The following EPSTI1 variants were observed in gnomAD, a reference collection of about 807,000 sequenced individuals.
EPSTI1 encodes epithelial-stromal interaction protein 1.
Under a neutral mutation model 49.9 loss-of-function variants are expected in EPSTI1, and 66 were observed. That is an observed-to-expected ratio of 1.32 (90% CI 1.08 to 1.62). The LOEUF (loss-of-function observed/expected upper bound fraction) is 1.62. EPSTI1 is among the 40% of genes most tolerant of loss of function. The probability of loss-of-function intolerance (pLI) is 0.00; values close to 1 mark genes in which losing one functional copy is unlikely to be tolerated. For missense variants in EPSTI1, 394 were observed against 365.5 expected, an observed-to-expected ratio of 1.08 and a Z score of -0.64; for synonymous variants, 137 against 130.7, an observed-to-expected ratio of 1.05 and a Z score of -0.33.
At chr13:42,930,871 A>T (rs559256437) in intron 6 of EPSTI1, among the ~76,000 whole-genome samples, 41 of 152,350 alleles carry the variant, frequency 2.7e-4, no homozygotes, top group African/African-American at 9.9e-4. Context: ...CATACAAATG[A>T]ATAGTGGTTT....
At chr13:42,928,733 C>T (rs886791820) in intron 6 of EPSTI1, among the ~76,000 whole-genome samples, 1 of 152,190 alleles carries the variant, frequency 6.6e-6, no homozygotes, top group African/African-American at 2.4e-5. Context: ...TGAAAATTTA[C>T]ATTCTCCTCT....
chr13:42,964,126 T>C lies in EPSTI1; in HGVS notation c.345A>G (p.Ser115=). The part of the protein sequence containing the change: ...LVPRRLGGSQ[S]ETEVRQKQQL... ...GTTGTTTCTGTCTGACTTCAGTTTC[T>C]GACTGGCTTCCACCTTAGGAAAAAA... is the stretch of plus-strand genomic sequence containing the variant. Residue 115 remains serine (S), a synonymous_variant, in exon 4 of 11, where the codon TCA becomes TCG. Transcript: ENST00000313624. 1 of 1,613,450 alleles carries C rather than the reference T, an allele frequency of 6.2e-7. No homozygotes were observed.
chr13:42,983,563 C>CAAAAAAAAAAAAAAAAAAAAAAAAAA (rs56259281), intron 1 of EPSTI1, among the ~76,000 whole-genome samples: 5 of 95,498 alleles, frequency 5.2e-5, no homozygotes, highest in Non-Finnish European at 9.3e-5. Flanking sequence ...GACTCCATCT[C>CAAAAAAAAAAAAAAAAAAAAAAAAAA]AAAAAAAAAA....
chr13:42,910,506 G>A (rs376875194), intron 8 of EPSTI1, among the ~76,000 whole-genome samples: 34 of 151,876 alleles, frequency 2.2e-4, no homozygotes, highest in Middle Eastern at 3.4e-3. Flanking sequence ...CTCCTGCCTC[G>A]GCCTCCCAAA....
intron 8 of EPSTI1, among the ~76,000 whole-genome samples, chr13:42,916,157 G>A (rs1166397537): frequency 6.6e-6 from 1 of 151,772 alleles, no homozygotes; most frequent in Admixed American, 6.6e-5. Flanking sequence ...AGTACAACAT[G>A]ACTATGTACC....
At chr13:42,950,209 T>C (rs901384610) in intron 6 of EPSTI1, among the ~76,000 whole-genome samples, 2 of 152,238 alleles carry the variant, frequency 1.3e-5, no homozygotes, top group Non-Finnish European at 2.9e-5. Flanking sequence ...ATTAATCTGT[T>C]CTGCTCTCAG....
intron 8 of EPSTI1, among the ~76,000 whole-genome samples, chr13:42,906,643 T>G (rs2037507996): frequency 6.6e-6 from 1 of 152,162 alleles, no homozygotes. Context: ...AAAGAAGTCC[T>G]GGTTCTCCGG....
Position 42,890,041 on chromosome 13 carries a change from C to T in EPSTI1, c.916-1539G>A, listed in dbSNP as rs1286294864. 1.5e-4 allele frequency among the ~76,000 whole-genome samples: 23 copies of T among 152,102 alleles called. 1 individual carries two copies. The highest frequency in any genetic ancestry group is 1.5e-3 in the Admixed American group (23 of 15,270). The stretch of plus-strand genomic sequence containing the variant: ...GATGTGCTCTGCCCCGTCTGTCATA[C>T]AAAAAACTAAAAAATTCAGAAATGT... On this transcript the variant is annotated intron_variant, in intron 10 of 10. Coordinates refer to ENST00000313624, the MANE Select transcript of EPSTI1 (RefSeq NM_033255.5).
chr13:42,919,217 T>A lies in EPSTI1; in HGVS notation c.658-1593A>T, dbSNP rs1420420433. The A allele has an allele frequency of 4.4e-5, 58 of 1,327,326 alleles. 1 individual carries two copies. The East Asian group carries it at 5.1e-4, about 12-fold the overall frequency. 82.2% of individuals were successfully genotyped at this position (1,327,326 alleles called of 1,614,324 possible). A position where few individuals can be genotyped will look rare whatever the true frequency, so the allele number is the denominator to read the frequency against. On this transcript the variant is annotated intron_variant, in intron 7 of 10. Coordinates refer to ENST00000313624, the MANE Select transcript of EPSTI1 (RefSeq NM_033255.5). ...CCTTATTATTAAATAAGGTGCCTTA[T>A]AAAGGTCCACAGAAACTGGGAAGTC... is the stretch of plus-strand genomic sequence containing the variant.
intron 1 of EPSTI1, among the ~76,000 whole-genome samples, chr13:42,987,010 T>C (rs755159606): frequency 6.6e-6 from 1 of 152,188 alleles, no homozygotes; most frequent in Non-Finnish European, 1.5e-5. Context: ...TACGCATCTC[T>C]TCCACTTGAC....
chr13:42,893,551 CCT>C (rs1482915322), intron 10 of EPSTI1, among the ~76,000 whole-genome samples: 1 of 152,178 alleles, frequency 6.6e-6, no homozygotes, highest in Non-Finnish European at 1.5e-5. Context: ...AAACAATGCT[CCT>C]CTCTTTGATC....
At chr13:42,988,088 G>A (rs2040117630) in intron 1 of EPSTI1, among the ~76,000 whole-genome samples, 2 of 152,144 alleles carry the variant, frequency 1.3e-5, no homozygotes, top group Non-Finnish European at 2.9e-5. Flanking sequence ...TCAAGCTAAA[G>A]GACCAGGTAT....
intron 10 of EPSTI1, among the ~76,000 whole-genome samples, chr13:42,889,512 A>T (rs1166154441): frequency 3.9e-5 from 6 of 152,064 alleles, no homozygotes; most frequent in African/African-American, 1.4e-4. Flanking sequence ...ACTGGTTCCG[A>T]TATTTCCTCC....
chr13:42,954,129 G>A (rs1352684228), intron 5 of EPSTI1, 108 bp from the exon 6 acceptor site: 3 of 797,566 alleles, frequency 3.8e-6, no homozygotes, highest in Non-Finnish European at 5.9e-6. Flanking sequence ...GGCCTTGATA[G>A]TCTAATACAG....
At chr13:42,924,151 G>A (rs2038100959) in intron 7 of EPSTI1, among the ~76,000 whole-genome samples, 1 of 152,242 alleles carries the variant, frequency 6.6e-6, no homozygotes, top group African/African-American at 2.4e-5. Flanking sequence ...AGAATTCTAT[G>A]CATATGGATG....
chr13:42,964,130 T>A lies in EPSTI1; in HGVS notation c.341A>T (p.Gln114Leu), dbSNP rs1165859756. ...HLVPRRLGGSQSETEVRQKQQ... is the reference protein window; with the variant it reads ...HLVPRRLGGSLSETEVRQKQQ... The stretch of plus-strand genomic sequence containing the variant: ...TTTCTGTCTGACTTCAGTTTCTGAC[T>A]GGCTTCCACCTTAGGAAAAAAAAAT... The change falls in exon 4 of 11, where the codon CAG becomes CTG. Residue 114 changes from glutamine to leucine, a missense_variant. By Grantham distance (113) the Gln-to-Leu change is moderately radical (BLOSUM62 -2). Transcript: ENST00000313624. 1.2e-6 allele frequency: 2 copies of A among 1,613,244 alleles called. No homozygotes were observed. Among genetic ancestry groups the A allele is most frequent in the Non-Finnish European group, 1.7e-6 (2 of 1,179,686 alleles).
At chr13:42,895,451 A>C (rs9567061) in intron 9 of EPSTI1, among the ~76,000 whole-genome samples, 76,944 of 151,862 alleles carry the variant, frequency 0.51, 20,114 homozygotes, top group East Asian at 0.79. Context: ...TGGAGAGAGA[A>C]AGAAGCCTCA....
chr13:42,888,520 C>T lies in EPSTI1; in HGVS notation c.916-18G>A. Reference sequence around the variant, plus strand: ...CATATACCCTGGAAGAAAAAGAAAACAAAAATTACTGCAAGCAGCAAAATA... The same window carrying T: ...CATATACCCTGGAAGAAAAAGAAAATAAAAATTACTGCAAGCAGCAAAATA... On this transcript the variant is annotated intron_variant, in intron 10 of 10. Coordinates refer to ENST00000313624, the MANE Select transcript of EPSTI1 (RefSeq NM_033255.5). The T allele has an allele frequency of 1.3e-6, 2 of 1,576,140 alleles. No individual in the cohort carries two copies. Among genetic ancestry groups the T allele is most frequent in the Non-Finnish European group, 1.7e-6 (2 of 1,163,778 alleles).
Position 42,953,961 on chromosome 13 carries a change from C to T in EPSTI1, c.550G>A (p.Glu184Lys). 1.2e-6 allele frequency: 2 copies of T among 1,612,882 alleles called. No homozygotes were observed. Among genetic ancestry groups the T allele is most frequent in the African/African-American group, 2.7e-5 (2 of 75,010 alleles). Reference sequence around the variant, plus strand: ...ACATTAACTTACTATTGCTGATGCTCTCTAAATGCTTCTCTTCTAAGGTTT... The same window carrying T: ...ACATTAACTTACTATTGCTGATGCTTTCTAAATGCTTCTCTTCTAAGGTTT... Reference protein sequence around the residue: ...QENLRREAFREHQQYKTAEFL... With the variant: ...QENLRREAFRKHQQYKTAEFL... The change falls in exon 6 of 11, where the codon GAG (glutamate) becomes AAG (lysine). Residue 184 changes from glutamate (E) to lysine (K), a missense_variant. Glu to Lys is a moderately conservative substitution (Grantham distance 56, BLOSUM62 1). Transcript: ENST00000313624.
Sources: gnomAD v4.1 joint callset for allele counts (sites outside exome capture counted in the v4.1 genomes callset) on GRCh38, gnomAD v4.1.1 for gene constraint, MANE v1.5 for transcripts, NCBI Gene and HGNC (gene_info 2026-07-23, HGNC 2026-07-21) for gene names.